The following LOXHD1 variants were observed in gnomAD, a reference collection of about 807,000 sequenced individuals.
LOXHD1 encodes lipoxygenase homology PLAT domains 1.
Under a neutral mutation model 248.2 loss-of-function variants are expected in LOXHD1, and 205 were observed. The ratio of observed to expected loss-of-function variants is 0.83; its 90% CI spans 0.74 to 0.93. The LOEUF (loss-of-function observed/expected upper bound fraction) is 0.93, where lower values mean the gene tolerates loss of function less well. Ranked by LOEUF, LOXHD1 falls within the 40% of genes least tolerant of loss-of-function variation. The pLI is 0.00. For missense variants in LOXHD1, 2,930 were observed against 2,971.6 expected (o/e 0.99, Z 0.33); for synonymous variants, 1,113 against 1,162.8 (o/e 0.96, Z 0.87).
intron 39 of LOXHD1, among the ~76,000 whole-genome samples, chr18:46,484,456 C>T (rs969812162): frequency 2.0e-5 from 3 of 152,140 alleles, no homozygotes; most frequent in African/African-American, 7.2e-5. Flanking sequence ...CATGTGAGGA[C>T]ACAGTGAGAA....
At chr18:46,586,051 A>G (rs993271460) in intron 12 of LOXHD1, among the ~76,000 whole-genome samples, 1 of 152,226 alleles carries the variant, frequency 6.6e-6, no homozygotes, top group Non-Finnish European at 1.5e-5. Context: ...GATACAATGG[A>G]CTATATTATT....
chr18:46,486,824 G>A (rs1274078765), intron 38 of LOXHD1, among the ~76,000 whole-genome samples: 1 of 152,186 alleles, frequency 6.6e-6, no homozygotes, highest in African/African-American at 2.4e-5. Flanking sequence ...CTAAGGATAA[G>A]GTAGAGAAGC....
chr18:46,538,213 G>A lies in LOXHD1; in HGVS notation c.4038C>T (p.Asn1346=), dbSNP rs2036399387. ...CAAAGAACTGCTTCTGTTCCCTCTT[G>A]TTGGTACACAGATACTTCTGCTGGG... ...VCTQQKYLCT[N]KREQKQFFER... is the part of the protein sequence containing the mutation. The change falls in exon 26 of 41, where the codon AAC becomes AAT. Residue 1346 remains asparagine (N), a synonymous_variant. Transcript: ENST00000642948. 1.3e-6 allele frequency: 2 copies of A among 1,545,302 alleles called. No homozygotes were observed. Among genetic ancestry groups the A allele is most frequent in the Non-Finnish European group, 1.8e-6 (2 of 1,141,580 alleles).
rs1431897813 is a variant in LOXHD1, at chr18:46,557,424, G to C, written c.3282C>G (p.Asp1094Glu). 6.4e-7 allele frequency: 1 copy of C among 1,552,244 alleles called. No individual in the cohort carries two copies. The highest frequency in any genetic ancestry group is 1.2e-5 in the South Asian group (1 of 84,056). ...ACCAGCCTGCTCTGTTGCCTGTGTT[G>C]TCGTGGCGAATCCGAATCTTGGTCA... ...GALTKIRIRHDNTGNRAGWFL... is the reference protein window; with the variant it reads ...GALTKIRIRHENTGNRAGWFL... The change falls in exon 21 of 41, where the codon GAC becomes GAG. Residue 1094 changes from aspartate to glutamate, a missense_variant. Transcript: ENST00000642948.
intron 29 of LOXHD1, among the ~76,000 whole-genome samples, chr18:46,527,048 G>T (rs573951139): frequency 2.0e-5 from 3 of 151,918 alleles, no homozygotes; most frequent in Non-Finnish European, 2.9e-5. Context: ...CTGATGGGGC[G>T]TCAAAACTGG....
rs117158075 is a variant in LOXHD1 at position 46,639,205 on chromosome 18, C to T, written c.511+411G>A. On this transcript the variant is annotated intron_variant, in intron 4 of 40. Transcript: ENST00000642948. ...TGGCTGCTGCAAGCTCTGATTCCTA[C>T]CCACTATGCCTTGGCTGTAACTCAC... 5.2e-3 allele frequency among the ~76,000 whole-genome samples: 798 copies of T among 152,296 alleles called. 4 individuals carry two copies. The highest frequency in any genetic ancestry group is 0.024 in the South Asian group (115 of 4,822).
intron 26 of LOXHD1, among the ~76,000 whole-genome samples, chr18:46,537,528 G>A (rs2036365310): frequency 6.6e-6 from 1 of 152,120 alleles, no homozygotes; most frequent in African/African-American, 2.4e-5. Context: ...CTTCTCTTGT[G>A]TCTCCCACCC....
At chr18:46,587,113 C>T (rs1226581898) in intron 12 of LOXHD1, among the ~76,000 whole-genome samples, 7 of 152,224 alleles carry the variant, frequency 4.6e-5, no homozygotes, top group Non-Finnish European at 8.8e-5. Context: ...CATAGGGCCA[C>T]AGCACCTGAA....
At chr18:46,572,254 C>A (rs1169793017) in intron 14 of LOXHD1, 92 bp from the exon 15 acceptor site, 4 of 1,125,940 alleles carry the variant, frequency 3.6e-6, no homozygotes. Flanking sequence ...TATGGAGGCC[C>A]AGAGCTTTGA....
At chr18:46,508,704 G>A (rs752982757) in intron 35 of LOXHD1, among the ~76,000 whole-genome samples, 4 of 152,232 alleles carry the variant, frequency 2.6e-5, no homozygotes, top group South Asian at 2.1e-4. Flanking sequence ...CGTGTGACAC[G>A]GAGGCTGCAG....
chr18:46,490,774 G>A (rs912843116), intron 37 of LOXHD1, among the ~76,000 whole-genome samples: 2 of 152,142 alleles, frequency 1.3e-5, no homozygotes, highest in African/African-American at 4.8e-5. Flanking sequence ...CTCGCCCGGC[G>A]GTAAGTTATT....
At chr18:46,649,034 C>A in intron 2 of LOXHD1, 121 bp downstream of exon 2, 1 of 789,476 alleles carries the variant, frequency 1.3e-6, no homozygotes, top group Non-Finnish European at 2.2e-6. Context: ...GGCTTCATAC[C>A]ACTTAATAAC....
rs560547495 is a variant in LOXHD1 at position 46,649,487 on chromosome 18, G to A, written c.131-218C>T. Among the ~76,000 whole-genome samples the A allele has an allele frequency of 3.9e-5, 6 of 152,312 alleles. No individual in the cohort carries two copies. The East Asian group carries it at 7.7e-4, about 20-fold the overall frequency. ...TAAACCATGCACTCGTTTTGCACAC[G>A]AGGAGGCTGAGGGCAAGAGGGCAGG... On this transcript the variant is annotated intron_variant, in intron 1 of 40. Coordinates refer to ENST00000642948, the MANE Select transcript of LOXHD1 (RefSeq NM_001384474.1).
chr18:46,527,298 C>T (rs978668163), intron 29 of LOXHD1, among the ~76,000 whole-genome samples: 1 of 152,168 alleles, frequency 6.6e-6, no homozygotes, highest in Non-Finnish European at 1.5e-5. Flanking sequence ...CAGCTGAATG[C>T]TGTACATTGC....
chr18:46,633,444 T>C (rs764758153), intron 4 of LOXHD1, among the ~76,000 whole-genome samples: 2 of 152,222 alleles, frequency 1.3e-5, no homozygotes, highest in East Asian at 1.9e-4. Flanking sequence ...AGTTGGACCT[T>C]GATTTATATC....
chr18:46,486,547 A>G (rs2033068281), intron 38 of LOXHD1, among the ~76,000 whole-genome samples: 1 of 152,232 alleles, frequency 6.6e-6, no homozygotes, highest in African/African-American at 2.4e-5. Context: ...ATTCCAGCCC[A>G]GAGACCCAAA....
chr18:46,493,068 T>G (rs777913131), intron 37 of LOXHD1, among the ~76,000 whole-genome samples: 2 of 152,240 alleles, frequency 1.3e-5, no homozygotes, highest in Admixed American at 6.5e-5. Flanking sequence ...CTGGTCCTTT[T>G]CCACTCCTCT....
At chr18:46,562,663 T>A (rs1279709366) in intron 18 of LOXHD1, among the ~76,000 whole-genome samples, 1 of 152,110 alleles carries the variant, frequency 6.6e-6, no homozygotes, top group African/African-American at 2.4e-5. Context: ...GCAGCCTTAG[T>A]GTCATCTTTT....
intron 5 of LOXHD1, among the ~76,000 whole-genome samples, chr18:46,614,550 C>G (rs2038557307): frequency 6.6e-6 from 1 of 152,024 alleles, no homozygotes; most frequent in Non-Finnish European, 1.5e-5. Flanking sequence ...TGGGGAACAT[C>G]ACATACTGGG....
Sources: gnomAD v4.1 joint callset for allele counts (sites outside exome capture counted in the v4.1 genomes callset) on GRCh38, gnomAD v4.1.1 for gene constraint, MANE v1.5 for transcripts, NCBI Gene and HGNC (gene_info 2026-07-23, HGNC 2026-07-21) for gene names.